PDE4D: variants seen among roughly 807,000 people sequenced by gnomAD.
PDE4D encodes the protein phosphodiesterase 4D, also known as 3',5'-cyclic-AMP phosphodiesterase 4D.
PDE4D carries 24 observed loss-of-function variants against 87.4 expected under a neutral mutation model. That is an observed-to-expected ratio of 0.27 (90% confidence interval 0.20 to 0.39). The LOEUF is 0.39. Among genes scored for constraint, PDE4D ranks in the 10% least tolerant of loss-of-function variants. The pLI is 1.00. For missense variants in PDE4D, 714 were observed against 1,041.0 expected (o/e 0.69, Z 4.32); for synonymous variants, 384 against 383.2 (o/e 1.00, Z -0.02).
At chr5:59,567,908 A>C (rs1017282606) in intron 1 of PDE4D, among the ~76,000 whole-genome samples, 1 of 152,230 alleles carries the variant, frequency 6.6e-6, no homozygotes, top group Non-Finnish European at 1.5e-5. Context: ...TGATTGTTAG[A>C]TATGTGTACA....
At chr5:59,038,993 G>C in intron 5 of PDE4D, 22 bp from the exon 6 acceptor site, 1 of 1,560,168 alleles carries the variant, frequency 6.4e-7, no homozygotes, top group Non-Finnish European at 8.7e-7. Flanking sequence ...CAGGGAAAGG[G>C]GGACTCAGTT....
At chr5:60,396,880 C>T (rs1214612309) in intron 1 of PDE4D, among the ~76,000 whole-genome samples, 3 of 152,204 alleles carry the variant, frequency 2.0e-5, no homozygotes, top group African/African-American at 7.2e-5. Flanking sequence ...AAGCCTTCAA[C>T]AGCCAAATTC....
At chr5:59,593,164 C>G (rs192146287) in intron 1 of PDE4D, among the ~76,000 whole-genome samples, 144 of 151,802 alleles carry the variant, frequency 9.5e-4, no homozygotes, top group African/African-American at 3.3e-3. Context: ...AATTACATTT[C>G]ATTTATATCT....
chr5:60,145,578 TGAA>T lies in PDE4D; in HGVS notation c.42+39976_42+39978del, dbSNP rs554623629. Among the ~76,000 whole-genome samples, 403 of 152,330 alleles carry T rather than the reference TGAA, an allele frequency of 2.6e-3. 3 individuals are homozygous for T. Among genetic ancestry groups the T allele is most frequent in the African/African-American group, 9.3e-3 (388 of 41,572 alleles). The stretch of plus-strand genomic sequence containing the variant: ...TTCAGTTGATAAGTTTCACAAAATT[TGAA>T]GAAGTATTTGGAAACTTTTTTCATT... On this transcript the variant is annotated intron_variant, in intron 2 of 16. Coordinates refer to the PDE4D transcript ENST00000502484.
At chr5:58,995,880 A>G (rs182842536) in intron 6 of PDE4D, among the ~76,000 whole-genome samples, 3 of 152,238 alleles carry the variant, frequency 2.0e-5, no homozygotes, top group Non-Finnish European at 4.4e-5. Flanking sequence ...TAAGACTTGG[A>G]GCCAACCCAA....
intron 1 of PDE4D, among the ~76,000 whole-genome samples, chr5:59,566,223 G>A (rs1464695371): frequency 6.6e-6 from 1 of 152,180 alleles, no homozygotes; most frequent in Non-Finnish European, 1.5e-5. Flanking sequence ...ATGTTGTGAT[G>A]ATCCATCACT....
chr5:60,299,721 G>A (rs1753723454), intron 1 of PDE4D, among the ~76,000 whole-genome samples: 1 of 152,134 alleles, frequency 6.6e-6, no homozygotes, highest in Non-Finnish European at 1.5e-5. Context: ...TCCCTGCAAA[G>A]GACATGAACT....
chr5:59,296,650 C>T lies in PDE4D; in HGVS notation c.456-80682G>A, dbSNP rs368354154. On this transcript the variant is annotated intron_variant, in intron 1 of 14. Transcript: ENST00000340635. ...TAATTACAACTTATTCCTTATTTTG[C>T]AGCTGTAAGTTGATGTTTAGAGAGG... is the stretch of plus-strand genomic sequence containing the variant. Among the ~76,000 whole-genome samples, 71 of 152,154 alleles carry T rather than the reference C, an allele frequency of 4.7e-4. 1 individual carries two copies. In the South Asian group the frequency reaches 0.012, roughly 25 times the overall value.
At chr5:59,217,196 G>A (rs1426180827) in intron 1 of PDE4D, 6 of 455,730 alleles carry the variant, frequency 1.3e-5, no homozygotes, top group Admixed American at 7.1e-5. Flanking sequence ...ACTTTCATGT[G>A]TTCTTAGGAG....
chr5:59,840,234 C>CCACACACA (rs142164308), intron 1 of PDE4D, among the ~76,000 whole-genome samples: 8,558 of 145,026 alleles, frequency 0.059, 279 homozygotes, highest in Middle Eastern at 0.14. Context: ...ACGTGCACTG[C>CCACACACA]CACACACACA....
At chr5:60,517,691 C>A (rs1466331564) in intron 1 of PDE4D, among the ~76,000 whole-genome samples, 3 of 152,180 alleles carry the variant, frequency 2.0e-5, no homozygotes, top group African/African-American at 4.8e-5. Flanking sequence ...GGACAACCTG[C>A]CTGCAGAGAG....
intron 1 of PDE4D, among the ~76,000 whole-genome samples, chr5:59,738,822 T>A (rs1758447729): frequency 6.6e-6 from 1 of 152,010 alleles, no homozygotes; most frequent in Non-Finnish European, 1.5e-5. Flanking sequence ...TACGCATACT[T>A]CTTACTCATT....
chr5:59,000,636 G>A (rs1301823604), intron 6 of PDE4D, among the ~76,000 whole-genome samples: 1 of 152,160 alleles, frequency 6.6e-6, no homozygotes, highest in Non-Finnish European at 1.5e-5. Flanking sequence ...TATGCATAAG[G>A]AATGCAGTGT....
At chr5:59,246,086 C>T (rs1176027552) in intron 1 of PDE4D, among the ~76,000 whole-genome samples, 1 of 151,446 alleles carries the variant, frequency 6.6e-6, no homozygotes, top group African/African-American at 2.4e-5. Context: ...ACAACAACTA[C>T]ACTTCGAAAA....
At chr5:59,641,785 G>GCC (rs1386643777) in intron 1 of PDE4D, among the ~76,000 whole-genome samples, 1 of 152,094 alleles carries the variant, frequency 6.6e-6, no homozygotes, top group Non-Finnish European at 1.5e-5. Flanking sequence ...CAAAGATTTA[G>GCC]AAGACAATAT....
At chr5:60,516,018 A>G (rs1015558128) in intron 1 of PDE4D, among the ~76,000 whole-genome samples, 3 of 152,242 alleles carry the variant, frequency 2.0e-5, no homozygotes, top group Non-Finnish European at 4.4e-5. Flanking sequence ...TCTAAGTGTC[A>G]TCATGTTATA....
chr5:60,196,965 A>G (rs1331929655), intron 1 of PDE4D, among the ~76,000 whole-genome samples: 4 of 151,482 alleles, frequency 2.6e-5, no homozygotes, highest in African/African-American at 7.2e-5. Flanking sequence ...TCATGAGACC[A>G]ACTAGGTTCT....
chr5:60,466,189 A>G (rs1747338998), intron 1 of PDE4D, among the ~76,000 whole-genome samples: 2 of 152,168 alleles, frequency 1.3e-5, no homozygotes, highest in Non-Finnish European at 2.9e-5. Flanking sequence ...TTTGTCCACA[A>G]TCTTATTTTA....
intron 1 of PDE4D, among the ~76,000 whole-genome samples, chr5:59,767,901 T>C (rs2152589922): frequency 6.6e-6 from 1 of 152,302 alleles, no homozygotes; most frequent in South Asian, 2.1e-4. Flanking sequence ...TTGGGGAAGC[T>C]GGCAGGGAAA....
Sources: allele counts gnomAD v4.1 joint callset (sites outside exome capture counted in the v4.1 genomes callset), GRCh38; gene constraint gnomAD v4.1.1; transcripts MANE v1.5; gene names NCBI Gene and HGNC (gene_info 2026-07-23, HGNC 2026-07-21).